XPO4: variants seen among roughly 807,000 people sequenced by gnomAD.
The protein encoded by XPO4 is exportin 4.
XPO4 carries 39 observed loss-of-function variants against 143.0 expected under a neutral mutation model. The ratio of observed to expected loss-of-function variants is 0.27; its 90% CI spans 0.21 to 0.36. The LOEUF (loss-of-function observed/expected upper bound fraction) is 0.36, where lower values mean the gene tolerates loss of function less well. Among genes scored for constraint, XPO4 ranks in the 10% least tolerant of loss-of-function variants. The pLI, the probability that XPO4 is intolerant of heterozygous loss-of-function variation, is 1.00. For missense variants in XPO4, 907 were observed against 1,348.0 expected, an observed-to-expected ratio of 0.67 and a Z score of 5.12; for synonymous variants, 439 against 474.0, an observed-to-expected ratio of 0.93 and a Z score of 0.96.
chr13:20,814,192 C>CAAAAAAAA (rs35203359), intron 9 of XPO4, among the ~76,000 whole-genome samples: 1 of 97,960 alleles, frequency 1.0e-5, no homozygotes, highest in African/African-American at 4.0e-5. Context: ...ACCCAGTCTC[C>CAAAAAAAA]AAAAAAAAAA....
At chr13:20,811,568 G>A (rs577451871) in intron 9 of XPO4, among the ~76,000 whole-genome samples, 1 of 152,022 alleles carries the variant, frequency 6.6e-6, no homozygotes, top group Admixed American at 6.6e-5. Context: ...GATTACAGGT[G>A]TAACCCACTG....
At chr13:20,857,762 G>T in intron 3 of XPO4, 2 of 828,052 alleles carry the variant, frequency 2.4e-6, no homozygotes, top group Non-Finnish European at 2.9e-6. Context: ...GAAAATTAAT[G>T]CACAAAGAAG....
chr13:20,808,229 C>T (rs974790162), intron 12 of XPO4, among the ~76,000 whole-genome samples: 5 of 152,086 alleles, frequency 3.3e-5, no homozygotes, highest in Non-Finnish European at 7.4e-5. Flanking sequence ...GAATGAGATC[C>T]ATGAAACATT....
chr13:20,858,142 A>G (rs1178214071), intron 3 of XPO4, among the ~76,000 whole-genome samples: 1 of 152,194 alleles, frequency 6.6e-6, no homozygotes, highest in East Asian at 1.9e-4. Context: ...TACACTGTAC[A>G]ATCTCTGGCT....
At chr13:20,785,888 GAAAGAAAGAAAGA>G in intron 22 of XPO4, among the ~76,000 whole-genome samples, 1 of 74,386 alleles carries the variant, frequency 1.3e-5, no homozygotes, top group Non-Finnish European at 3.0e-5. Context: ...GAGGGAGGGA[GAAAGAAAGAAAGA>G]GGAGGGAGGA....
intron 3 of XPO4, among the ~76,000 whole-genome samples, chr13:20,856,011 T>C (rs1213241539): frequency 1.3e-5 from 2 of 152,152 alleles, no homozygotes; most frequent in Non-Finnish European, 2.9e-5. Context: ...ATCTGTAAAA[T>C]GAGAATAACA....
At position 20,877,579 on chromosome 13, in the gene XPO4, G is replaced by GT. The variant is rs149395529; in HGVS notation, c.70-8879dup. Among the ~76,000 whole-genome samples the GT allele has an allele frequency of 9.6e-3, 1,465 of 152,258 alleles. 25 individuals are homozygous for GT. Among genetic ancestry groups the GT allele is most frequent in the African/African-American group, 0.034 (1,411 of 41,574 alleles). On this transcript the variant is annotated intron_variant, in intron 1 of 22. Transcript: ENST00000255305. ...AGTAAAACAGAAAAACAGAAGAATTGTAAGCCCCTGATGACATCCTACAGC... is the reference window on the plus strand; with the variant it reads ...AGTAAAACAGAAAAACAGAAGAATTGTTAAGCCCCTGATGACATCCTACAGC...
In XPO4 at chr13:20,782,299, A is replaced by C. The variant is rs1712227855; in HGVS notation, c.*1423T>G. 6.6e-6 allele frequency: 1 copy of C among 152,248 alleles called. No individual in the cohort carries two copies. The highest frequency in any genetic ancestry group is 6.5e-5 in the Admixed American group (1 of 15,282). 9.4% of individuals were successfully genotyped at this position (152,248 alleles called of 1,614,324 possible). On this transcript the variant is annotated 3_prime_UTR_variant, in exon 23 of 23. Coordinates refer to ENST00000255305, the MANE Select transcript of XPO4 (RefSeq NM_022459.5). ...AGTTTCATGAGTGCACCTGTGCCAGAGTCCTCTACCTGTCACTGTGCTGTG... is the reference window on the plus strand; with the variant it reads ...AGTTTCATGAGTGCACCTGTGCCAGCGTCCTCTACCTGTCACTGTGCTGTG...
intron 1 of XPO4, among the ~76,000 whole-genome samples, chr13:20,883,135 T>C (rs1280459949): frequency 2.0e-5 from 3 of 152,224 alleles, no homozygotes; most frequent in Non-Finnish European, 4.4e-5. Flanking sequence ...TTTACCATCC[T>C]TTGCGGTTCC....
At chr13:20,889,164 TGTTTAA>T (rs150107149) in intron 1 of XPO4, among the ~76,000 whole-genome samples, 57,236 of 151,614 alleles carry the variant, frequency 0.38, 11,891 homozygotes, top group Non-Finnish European at 0.48. Context: ...GACATGAGAC[TGTTTAA>T]GTTTAAGTTA....
rs572825627 is a variant in XPO4 at position 20,868,796 on chromosome 13, C to G, written c.70-95G>C. On this transcript the variant is annotated intron_variant, in intron 1 of 22. Transcript: ENST00000255305. ...CCCACAAGAACAGAAAATGCCTTCA[C>G]TTTTGGGGGGCAAGAGGAACAAATT... The G allele has an allele frequency of 4.3e-4, 490 of 1,149,466 alleles. 3 individuals carry two copies. The South Asian group carries it at 4.7e-3, about 11-fold the overall frequency. The allele number at this position is 1,149,466 out of a possible 1,614,324, so 71.2% of individuals were successfully genotyped here.
intron 9 of XPO4, among the ~76,000 whole-genome samples, chr13:20,815,333 A>G (rs1487942470): frequency 1.3e-5 from 2 of 152,192 alleles, no homozygotes; most frequent in East Asian, 1.9e-4. Flanking sequence ...TGATGTGTCA[A>G]TGTCGTTTCA....
At chr13:20,861,775 CTCTTTTTTTTTTT>C (rs1300361328) in intron 3 of XPO4, among the ~76,000 whole-genome samples, 7 of 123,212 alleles carry the variant, frequency 5.7e-5, no homozygotes, top group Non-Finnish European at 9.6e-5. Flanking sequence ...GCACATTTCT[CTCTTTTTTTTTTT>C]TTTTTTTTTT....
chr13:20,857,980 T>C (rs995349311), intron 3 of XPO4: 17 of 985,112 alleles, frequency 1.7e-5, no homozygotes, highest in Non-Finnish European at 1.9e-5. Context: ...GTCTACTACA[T>C]AGCCTATAGT....
chr13:20,792,723 C>CAAAAA (rs748612077), intron 18 of XPO4, among the ~76,000 whole-genome samples: 5 of 98,062 alleles, frequency 5.1e-5, no homozygotes, highest in Non-Finnish European at 7.5e-5. Flanking sequence ...CTCTGTCTCA[C>CAAAAA]AAAAAAAAAA....
chr13:20,866,281 A>G, intron 2 of XPO4: 1 of 984,866 alleles, frequency 1.0e-6, no homozygotes, highest in Middle Eastern at 5.2e-4. Context: ...AATAAAAACT[A>G]GAATGAAAAC....
intron 9 of XPO4, among the ~76,000 whole-genome samples, chr13:20,817,162 A>G (rs1257860843): frequency 6.6e-6 from 1 of 152,242 alleles, no homozygotes; most frequent in Non-Finnish European, 1.5e-5. Context: ...ACAACCATCC[A>G]GAGAATAAGT....
At chr13:20,795,007 T>C (rs1453549716) in intron 18 of XPO4, among the ~76,000 whole-genome samples, 2 of 134,538 alleles carry the variant, frequency 1.5e-5, no homozygotes, top group African/African-American at 5.5e-5. Flanking sequence ...CCCAAGAATT[T>C]AAAAAAAAAA....
intron 6 of XPO4, among the ~76,000 whole-genome samples, chr13:20,839,142 T>C (rs1236671525): frequency 6.6e-6 from 1 of 152,030 alleles, no homozygotes; most frequent in African/African-American, 2.4e-5. Context: ...TGTGTGCCTA[T>C]AGTCCCAGCT....
Sources: gnomAD v4.1 joint callset for allele counts (sites outside exome capture counted in the v4.1 genomes callset) on GRCh38, gnomAD v4.1.1 for gene constraint, MANE v1.5 for transcripts, NCBI Gene and HGNC (gene_info 2026-07-23, HGNC 2026-07-21) for gene names.